Variants in STX18 observed in about 807,000 individuals in gnomAD.
STX18 encodes the protein syntaxin-18.
Under a neutral mutation model 50.1 loss-of-function variants are expected in STX18, and 40 were observed. The ratio of observed to expected loss-of-function variants is 0.80; its 90% CI spans 0.62 to 1.04. The LOEUF is 1.04. STX18 is among the 50% of genes least tolerant of loss of function. The pLI is 0.00. For missense variants in STX18, 410 were observed against 415.8 expected (o/e 0.99, Z 0.12); for synonymous variants, 158 against 151.8 (o/e 1.04, Z -0.30).
chr4:4,488,074 T>G (rs948343514), intron 1 of STX18, among the ~76,000 whole-genome samples: 4 of 152,196 alleles, frequency 2.6e-5, no homozygotes, highest in African/African-American at 9.7e-5. Context: ...TGCAAATATT[T>G]TAGTACACTC....
intron 1 of STX18, among the ~76,000 whole-genome samples, chr4:4,512,274 G>A (rs1056935082): frequency 3.3e-5 from 5 of 151,762 alleles, no homozygotes; most frequent in Non-Finnish European, 5.9e-5. Context: ...AACAGCTCCC[G>A]AGCTTTGTTT....
intron 9 of STX18, among the ~76,000 whole-genome samples, chr4:4,422,578 A>C (rs1389191448): frequency 6.6e-6 from 1 of 151,692 alleles, no homozygotes; most frequent in Non-Finnish European, 1.5e-5. Flanking sequence ...CCAAAAAAAA[A>C]AAAAAGAAAA....
Position 4,462,275 on chromosome 4 carries a change from C to T in STX18, c.237-2788G>A, listed in dbSNP as rs75736458. On this transcript the variant is annotated intron_variant, in intron 2 of 10. Coordinates refer to ENST00000306200, the MANE Select transcript of STX18 (RefSeq NM_016930.4). ...CTGCAGCATAGGTCAAATGGGGTTCCAATTCAATTATCATTCACCAGGAGA... is the reference window on the plus strand; with the variant it reads ...CTGCAGCATAGGTCAAATGGGGTTCTAATTCAATTATCATTCACCAGGAGA... Among the ~76,000 whole-genome samples the T allele has an allele frequency of 5.1e-3, 775 of 152,286 alleles. 3 individuals are homozygous for T. The highest frequency in any genetic ancestry group is 0.018 in the African/African-American group (746 of 41,546).
chr4:4,493,984 A>G (rs1729057974), intron 1 of STX18, among the ~76,000 whole-genome samples: 1 of 152,216 alleles, frequency 6.6e-6, no homozygotes, highest in Admixed American at 6.5e-5. Flanking sequence ...AAAAGTCAAC[A>G]AGGTAAATAT....
intron 1 of STX18, among the ~76,000 whole-genome samples, chr4:4,537,481 T>C (rs530009505): frequency 6.6e-6 from 1 of 152,226 alleles, no homozygotes; most frequent in East Asian, 1.9e-4. Flanking sequence ...AACATTCCTC[T>C]GGCTATAATG....
intron 1 of STX18, among the ~76,000 whole-genome samples, chr4:4,496,441 G>C (rs1451164800): frequency 1.3e-5 from 2 of 151,976 alleles, no homozygotes; most frequent in African/African-American, 4.8e-5. Context: ...CATCTTTAAG[G>C]GCTCCTAAAT....
intron 1 of STX18, among the ~76,000 whole-genome samples, chr4:4,540,640 C>T (rs1173733614): frequency 6.6e-6 from 1 of 152,120 alleles, no homozygotes; most frequent in Non-Finnish European, 1.5e-5. Context: ...TGTCTATGTC[C>T]GTCTACTCCA....
At chr4:4,445,899 T>C (rs1190039685) in intron 5 of STX18, among the ~76,000 whole-genome samples, 2 of 152,050 alleles carry the variant, frequency 1.3e-5, no homozygotes, top group Non-Finnish European at 2.9e-5. Flanking sequence ...ATTTAGAAAT[T>C]TGAAGGATTT....
At chr4:4,534,225 T>G (rs1731230835) in intron 1 of STX18, among the ~76,000 whole-genome samples, 1 of 152,224 alleles carries the variant, frequency 6.6e-6, no homozygotes, top group Non-Finnish European at 1.5e-5. Context: ...GCACTGCTGC[T>G]GGGGAGTTAT....
Position 4,470,612 on chromosome 4 carries a change from AAACT to A in STX18, c.236+1023_236+1026del, listed in dbSNP as rs199811939. Among the ~76,000 whole-genome samples, 159 of 152,270 alleles carry A rather than the reference AAACT, an allele frequency of 1.0e-3. 3 individuals are homozygous for A. In the East Asian group the frequency reaches 0.029, roughly 27 times the overall value. ...ACTGAAGAAAATATACAGGGTGGAGAAACTAACTAACAGAAGAGACCTACTTTAT... is the reference window on the plus strand; with the variant it reads ...ACTGAAGAAAATATACAGGGTGGAGAAACTAACAGAAGAGACCTACTTTAT... On this transcript the variant is annotated intron_variant, in intron 2 of 10. Transcript: ENST00000306200.
intron 9 of STX18, among the ~76,000 whole-genome samples, chr4:4,422,962 AAGAATTTC>A (rs1206034442): frequency 6.6e-6 from 1 of 152,252 alleles, no homozygotes; most frequent in Non-Finnish European, 1.5e-5. Flanking sequence ...TATTGGCTGG[AAGAATTTC>A]AGAAAATTCA....
At chr4:4,438,328 T>C (rs763285762) in intron 6 of STX18, 66 bp downstream of exon 6, 1 of 1,226,096 alleles carries the variant, frequency 8.2e-7, no homozygotes, top group African/African-American at 1.5e-5. Flanking sequence ...TTCGTTCCTG[T>C]GCTGTACTCT....
chr4:4,464,340 T>G (rs150007857), intron 2 of STX18, among the ~76,000 whole-genome samples: 1 of 152,360 alleles, frequency 6.6e-6, no homozygotes, highest in East Asian at 1.9e-4. Context: ...TTGCTTATAA[T>G]GTTTTTTTCT....
chr4:4,531,294 A>G (rs1428146287), intron 1 of STX18, among the ~76,000 whole-genome samples: 2 of 152,176 alleles, frequency 1.3e-5, no homozygotes, highest in Non-Finnish European at 2.9e-5. Context: ...CTGTGTTGAC[A>G]ACACTTTTTC....
chr4:4,500,049 C>A (rs1729365684), intron 1 of STX18, among the ~76,000 whole-genome samples: 1 of 151,964 alleles, frequency 6.6e-6, no homozygotes, highest in Admixed American at 6.6e-5. Flanking sequence ...ATGATCCTAT[C>A]TTCAATGGGA....
intron 1 of STX18, among the ~76,000 whole-genome samples, chr4:4,518,016 G>T (rs913908505): frequency 6.6e-6 from 1 of 152,008 alleles, no homozygotes; most frequent in Non-Finnish European, 1.5e-5. Flanking sequence ...CTTGTGATCC[G>T]CCTGCCTTGG....
At chr4:4,488,234 T>C (rs916565789) in intron 1 of STX18, among the ~76,000 whole-genome samples, 2 of 152,138 alleles carry the variant, frequency 1.3e-5, no homozygotes. Flanking sequence ...AGCCGTCTCT[T>C]ACTACCGAGG....
In STX18 at chr4:4,462,100, A is replaced by G. The variant is rs1727410580; in HGVS notation, c.237-2613T>C. The G allele has an allele frequency of 2.9e-5, 12 of 419,336 alleles. No homozygotes were observed. In the East Asian group the frequency reaches 4.3e-4, roughly 15 times the overall value. 26.0% of individuals were successfully genotyped at this position (419,336 alleles called of 1,614,324 possible). A position where few individuals can be genotyped will look rare whatever the true frequency, so the allele number is the denominator to read the frequency against. ...TTGTTTGCTGACCTAGATTTTACCA[A>G]TGATAAAGCTGATATGACACGTGGG... is the stretch of plus-strand genomic sequence containing the variant. On this transcript the variant is annotated intron_variant, in intron 2 of 10. Transcript: ENST00000306200.
intron 2 of STX18, among the ~76,000 whole-genome samples, chr4:4,460,849 C>T (rs149804507): frequency 2.6e-5 from 4 of 152,300 alleles, no homozygotes; most frequent in Non-Finnish European, 4.4e-5. Context: ...GCTCGATCCC[C>T]TCTCCCCAAC....
Sources: allele counts gnomAD v4.1 joint callset (sites outside exome capture counted in the v4.1 genomes callset), GRCh38; gene constraint gnomAD v4.1.1; transcripts MANE v1.5; gene names NCBI Gene and HGNC (gene_info 2026-07-23, HGNC 2026-07-21).